CCNA2: variants seen among roughly 807,000 people sequenced by gnomAD.
The protein encoded by CCNA2 is cyclin-A2.
CCNA2 carries 3 observed loss-of-function variants against 49.4 expected under a neutral mutation model. The ratio of observed to expected loss-of-function variants is 0.06; its 90% CI spans 0.03 to 0.16. CCNA2 has a LOEUF of 0.16. Among genes scored for constraint, CCNA2 ranks in the 10% least tolerant of loss-of-function variants. The pLI is 1.00. For missense variants in CCNA2, 372 were observed against 519.7 expected (o/e 0.72, Z 2.76); for synonymous variants, 206 against 197.2 (o/e 1.04, Z -0.37).
rs199811392 is a variant in CCNA2, at chr4:121,817,696, G to C, written c.1251-10C>G. 3.5e-4 allele frequency: 561 copies of C among 1,611,936 alleles called. 3 individuals are homozygous for C. The African/African-American group carries it at 6.4e-3, about 18-fold the overall frequency. ...AGAAACACCATGATACCTGTAAGTAGGGAAAAAAAAAGCATTTTTAGTAAA... is the reference window on the plus strand; with the variant it reads ...AGAAACACCATGATACCTGTAAGTACGGAAAAAAAAAGCATTTTTAGTAAA... On this transcript the variant is annotated splice_polypyrimidine_tract_variant and intron_variant, in intron 7 of 7. Coordinates refer to ENST00000274026, the MANE Select transcript of CCNA2 (RefSeq NM_001237.5).
intron 4 of CCNA2, 124 bp from the exon 5 acceptor site, chr4:121,819,703 A>C (rs1004509572): frequency 1.5e-6 from 1 of 654,268 alleles, no homozygotes; most frequent in South Asian, 1.9e-5. Context: ...GCATTTCCAG[A>C]CACTTGATCA....
In CCNA2 at chr4:121,816,766, T is replaced by G. The variant is rs749522181; in HGVS notation, c.*872A>C. Reference sequence around the variant, plus strand: ...TTAGTAAATTCTTACTTTGCTTTATTCACAGAACACAGACCACCAGTGCAA... The same window carrying G: ...TTAGTAAATTCTTACTTTGCTTTATGCACAGAACACAGACCACCAGTGCAA... On this transcript the variant is annotated 3_prime_UTR_variant, in exon 8 of 8. Transcript: ENST00000274026. The G allele has an allele frequency of 1.3e-5, 20 of 1,576,188 alleles. No homozygotes were observed. The highest frequency in any genetic ancestry group is 1.6e-5 in the Non-Finnish European group (19 of 1,166,670).
In CCNA2 at chr4:121,817,818, A is replaced by G. The variant is rs114899657; in HGVS notation, c.1251-132T>C. On this transcript the variant is annotated intron_variant, in intron 7 of 7. Coordinates refer to ENST00000274026, the MANE Select transcript of CCNA2 (RefSeq NM_001237.5). ...TGTCTGACCGACTTGATGGTTTTAG[A>G]AACACTGTCTGGTCCCTGAAACACA... The G allele has an allele frequency of 1.5e-3, 1,953 of 1,305,672 alleles. 16 individuals carry two copies. In the African/African-American group the frequency reaches 0.026, roughly 18 times the overall value. 80.9% of individuals were successfully genotyped at this position (1,305,672 alleles called of 1,614,324 possible). A position where few individuals can be genotyped will look rare whatever the true frequency, so the allele number is the denominator to read the frequency against.
In CCNA2 at chr4:121,817,468, C is replaced by G. The variant is rs1209418666; in HGVS notation, c.*170G>C. On this transcript the variant is annotated 3_prime_UTR_variant, in exon 8 of 8. Coordinates refer to ENST00000274026, the MANE Select transcript of CCNA2 (RefSeq NM_001237.5). ...CAAATATCTAAGACAGATACATATA[C>G]AAAAGATATACAAATTAAAACCATT... 4.8e-5 allele frequency: 34 copies of G among 711,268 alleles called. No individual in the cohort carries two copies. The highest frequency in any genetic ancestry group is 3.2e-4 in the Admixed American group (10 of 31,342). The allele number at this position is 711,268 out of a possible 1,614,324, so 44.1% of individuals were successfully genotyped here.
rs1393661081 is a variant in CCNA2 at position 121,816,738 on chromosome 4, C to G, written c.*900G>C. ...TTTCAATAATCCAAAACTTAACATA[C>G]TCTTAGTAAATTCTTACTTTGCTTT... On this transcript the variant is annotated 3_prime_UTR_variant, in exon 8 of 8. Coordinates refer to ENST00000274026, the MANE Select transcript of CCNA2 (RefSeq NM_001237.5). 1 of 1,544,606 alleles carries G rather than the reference C, an allele frequency of 6.5e-7. No homozygotes were observed. The highest frequency in any genetic ancestry group is 8.7e-7 in the Non-Finnish European group (1 of 1,150,774).
chr4:121,822,719 C>T (rs1170079504), intron 1 of CCNA2, 73 bp from the exon 2 acceptor site: 3 of 1,452,728 alleles, frequency 2.1e-6, no homozygotes, highest in Non-Finnish European at 2.8e-6. Flanking sequence ...TTGGCCTTTG[C>T]TTTTTCTCCC....
At position 121,818,833 on chromosome 4, in the gene CCNA2, A is replaced by G. The variant is rs767670935; in HGVS notation, c.1083T>C (p.His361=). The change falls in exon 6 of 8, where the codon CAT becomes CAC. Residue 361 remains histidine, a synonymous_variant. Transcript: ENST00000274026. ...LPSVIAGAAF[H]LALYTVTGQS... ...GTCCCGTGACTGTGTAGAGTGCTAA[A>G]TGAAAGGCAGCTCCAGCAATAACTG... The G allele has an allele frequency of 1.9e-6, 3 of 1,613,640 alleles. No homozygotes were observed. In the East Asian group the frequency reaches 6.7e-5, roughly 36 times the overall value.
At chr4:121,818,241 T>A in intron 6 of CCNA2, 64 bp from the exon 7 acceptor site, 1 of 1,416,286 alleles carries the variant, frequency 7.1e-7, no homozygotes, top group Non-Finnish European at 9.7e-7. Flanking sequence ...ACACAGTAAA[T>A]AGTTGGCATT....
rs1490484041 is a variant in CCNA2 at position 121,816,539 on chromosome 4, CTA to C, written c.*1097_*1098del. On this transcript the variant is annotated 3_prime_UTR_variant, in exon 8 of 8. Transcript: ENST00000274026. ...GTTTTACTCTCATCTTGCCACATGA[CTA>C]TAAACAAAAAGACATCCCTTTTTCA... 1.1e-6 allele frequency: 1 copy of C among 897,728 alleles called. No homozygotes were observed. 55.6% of individuals were successfully genotyped at this position (897,728 alleles called of 1,614,324 possible).
rs1320264424 is a variant in CCNA2, at chr4:121,816,968, T to TA, written c.*669dup. On this transcript the variant is annotated 3_prime_UTR_variant, in exon 8 of 8. Coordinates refer to ENST00000274026, the MANE Select transcript of CCNA2 (RefSeq NM_001237.5). Reference sequence around the variant, plus strand: ...TCCATTATAAAATCTAGCAGGATTTTAAAAATAGTTTTTTGTTTTTAATGT... The same window carrying TA: ...TCCATTATAAAATCTAGCAGGATTTTAAAAAATAGTTTTTTGTTTTTAATGT... 2 of 1,115,578 alleles carry TA rather than the reference T, an allele frequency of 1.8e-6. No individual in the cohort carries two copies. Among genetic ancestry groups the TA allele is most frequent in the Non-Finnish European group, 2.4e-6 (2 of 824,946 alleles). 69.1% of individuals were successfully genotyped at this position (1,115,578 alleles called of 1,614,324 possible). A position where few individuals can be genotyped will look rare whatever the true frequency, so the allele number is the denominator to read the frequency against.
intron 6 of CCNA2, 60 bp from the exon 7 acceptor site, chr4:121,818,237 TA>T (rs1407280132): frequency 2.1e-6 from 3 of 1,452,724 alleles, no homozygotes; most frequent in Non-Finnish European, 1.9e-6. Context: ...CCAAACACAG[TA>T]AATAGTTGGC....
intron 1 of CCNA2, among the ~76,000 whole-genome samples, 166 bp downstream of exon 1, chr4:121,823,250 G>A (rs149059650): frequency 6.6e-6 from 1 of 152,264 alleles, no homozygotes; most frequent in Admixed American, 6.5e-5. Flanking sequence ...GCTAATATGG[G>A]AGAACTCCTA....
chr4:121,823,306 C>T, intron 1 of CCNA2, 110 bp downstream of exon 1: 1 of 1,321,854 alleles, frequency 7.6e-7, no homozygotes, highest in Non-Finnish European at 1.0e-6. Context: ...CAGACCCTGG[C>T]CCCCTTCCAA....
In CCNA2 at chr4:121,817,575, A is replaced by G. The variant is rs1390919370; in HGVS notation, c.*63T>C. The stretch of plus-strand genomic sequence containing the variant: ...GATTGTAAAATTAAAACCTAAGTTA[A>G]AAACTGTACACCATATACTTTGAGT... On this transcript the variant is annotated 3_prime_UTR_variant, in exon 8 of 8. Transcript: ENST00000274026. 4 of 1,589,752 alleles carry G rather than the reference A, an allele frequency of 2.5e-6. No individual in the cohort carries two copies. The highest frequency in any genetic ancestry group is 3.4e-6 in the Non-Finnish European group (4 of 1,168,600).
At position 121,820,928 on chromosome 4, in the gene CCNA2, T is replaced by A. The variant is rs1283874794; in HGVS notation, c.570+51A>T. The A allele has an allele frequency of 1.4e-6, 2 of 1,480,150 alleles. No homozygotes were observed. The highest frequency in any genetic ancestry group is 1.9e-6 in the Non-Finnish European group (2 of 1,068,702). The allele number at this position is 1,480,150 out of a possible 1,614,324, so 91.7% of individuals were successfully genotyped here. On this transcript the variant is annotated intron_variant, in intron 3 of 7. Coordinates refer to ENST00000274026, the MANE Select transcript of CCNA2 (RefSeq NM_001237.5). The surrounding 1 kb of genome is among the most constrained non-coding windows in gnomAD (Gnocchi z 4.1). ...TAAACATTATCCTCTCAATTTCATT[T>A]AGCCACATTTAACAAATACATTATA...
rs994172958 is a variant in CCNA2, at chr4:121,817,521, A to T, written c.*117T>A. 8.3e-7 allele frequency: 1 copy of T among 1,205,042 alleles called. No individual in the cohort carries two copies. Among genetic ancestry groups the T allele is most frequent in the South Asian group, 1.4e-5 (1 of 70,812 alleles). 74.6% of individuals were successfully genotyped at this position (1,205,042 alleles called of 1,614,324 possible). ...AAAAGTAATAGATACCATAATTTGT[A>T]CTTGGCCACAACTTCTGTATTCAGA... On this transcript the variant is annotated 3_prime_UTR_variant, in exon 8 of 8. Coordinates refer to ENST00000274026, the MANE Select transcript of CCNA2 (RefSeq NM_001237.5).
At chr4:121,821,190 A>C in intron 2 of CCNA2, 99 bp from the exon 3 acceptor site, 1 of 1,390,782 alleles carries the variant, frequency 7.2e-7, no homozygotes, top group African/African-American at 1.4e-5. Flanking sequence ...TTAACAAAGC[A>C]CTTATTTCTT....
intron 5 of CCNA2, 39 bp from the exon 6 acceptor site, chr4:121,818,952 G>C (rs1156495661): frequency 7.6e-7 from 1 of 1,318,216 alleles, no homozygotes; most frequent in Admixed American, 1.7e-5. Flanking sequence ...AGAGCGTTTA[G>C]AATTCAAATG....
intron 1 of CCNA2, among the ~76,000 whole-genome samples, chr4:121,823,069 TA>T (rs1724731302): frequency 6.6e-6 from 1 of 152,168 alleles, no homozygotes; most frequent in African/African-American, 2.4e-5. Context: ...GTGAGGAGGA[TA>T]GGGGTCAGAG....
Sources: allele counts gnomAD v4.1 joint callset (sites outside exome capture counted in the v4.1 genomes callset), GRCh38; gene constraint gnomAD v4.1.1; non-coding constraint Gnocchi (gnomAD v3.1); transcripts MANE v1.5; gene names NCBI Gene and HGNC (gene_info 2026-07-23, HGNC 2026-07-21).